Variants in FAM178B observed in about 807,000 individuals in gnomAD.
FAM178B encodes the protein protein FAM178B.
FAM178B carries 82 observed loss-of-function variants against 91.7 expected under a neutral mutation model. The observed-to-expected ratio is 0.89, with a 90% CI of 0.75 to 1.07. FAM178B has a LOEUF of 1.07. FAM178B is among the 50% of genes least tolerant of loss of function. The pLI, the probability that FAM178B is intolerant of heterozygous loss-of-function variation, is 0.00. For synonymous variants in FAM178B, 368 were observed against 359.4 expected, an observed-to-expected ratio of 1.02 and a Z score of -0.27; for missense variants, 769 against 846.7, an observed-to-expected ratio of 0.91 and a Z score of 1.14.
chr2:96,968,532 C>CCCCAGG lies in FAM178B; in HGVS notation c.627-911_627-906dup, dbSNP rs530146152. On this transcript the variant is annotated intron_variant, in intron 4 of 16. Coordinates refer to ENST00000490605, the MANE Select transcript of FAM178B (RefSeq NM_001122646.3). ...TCAGTTCTCTAACATTTTCTCTCCA[C>CCCCAGG]CCCAGGCCTGTCGTGAGCTCAGATC... Among the ~76,000 whole-genome samples the CCCCAGG allele has an allele frequency of 2.8e-3, 431 of 152,268 alleles. 18 individuals are homozygous for CCCCAGG. The East Asian group carries it at 0.05, about 18-fold the overall frequency.
chr2:96,969,750 G>A (rs1267187887), intron 4 of FAM178B, among the ~76,000 whole-genome samples: 1 of 152,250 alleles, frequency 6.6e-6, no homozygotes, highest in East Asian at 1.9e-4. Flanking sequence ...AACAACACAA[G>A]TTCCCGGGTC....
rs1226624374 is a variant in FAM178B, at chr2:96,951,518, TC to T, written c.888-35del. On this transcript the variant is annotated intron_variant, in intron 6 of 16. Transcript: ENST00000490605. Reference sequence around the variant, plus strand: ...CAGAGGGCTGAGGTTAGGGGAGGCCTCTGTGCCAGCACACTTGTCTCGGTGA... The same window carrying T: ...CAGAGGGCTGAGGTTAGGGGAGGCCTTGTGCCAGCACACTTGTCTCGGTGA... 2.7e-6 allele frequency: 4 copies of T among 1,499,654 alleles called. No individual in the cohort carries two copies. In the African/African-American group the frequency reaches 4.2e-5, roughly 16 times the overall value. The allele number at this position is 1,499,654 out of a possible 1,614,324, so 92.9% of individuals were successfully genotyped here.
chr2:96,958,131 C>A (rs944972406), intron 6 of FAM178B, among the ~76,000 whole-genome samples: 1 of 148,864 alleles, frequency 6.7e-6, no homozygotes, highest in Admixed American at 6.7e-5. Flanking sequence ...TGCAGTGGCA[C>A]GATCTCAGCT....
At position 96,947,828 on chromosome 2, in the gene FAM178B, G is replaced by T; in HGVS notation, c.1068C>A (p.Phe356Leu). The T allele has an allele frequency of 1.3e-6, 2 of 1,543,162 alleles. No homozygotes were observed. Among genetic ancestry groups the T allele is most frequent in the Admixed American group, 2.0e-5 (1 of 50,938 alleles). ...LLWDLIVDGIFLQPDEDKHLW... is the reference protein window; with the variant it reads ...LLWDLIVDGILLQPDEDKHLW... ...CATCCCAGTACTGACCAGGCTGAAG[G>T]AAGATTCCATCCACAATGAGATCCC... is the stretch of plus-strand genomic sequence containing the variant. The change falls in exon 8 of 17, where the codon TTC (phenylalanine) becomes TTA (leucine). Residue 356 changes from phenylalanine (F) to leucine (L), a missense_variant. Transcript: ENST00000490605.
At chr2:96,922,600 T>C (rs1240834033) in intron 10 of FAM178B, among the ~76,000 whole-genome samples, 2 of 152,240 alleles carry the variant, frequency 1.3e-5, no homozygotes, top group African/African-American at 4.8e-5. Flanking sequence ...TTCACCCACG[T>C]TGGCCTCCCA....
intron 12 of FAM178B, among the ~76,000 whole-genome samples, chr2:96,907,586 C>T: frequency 6.6e-6 from 1 of 152,258 alleles, no homozygotes; most frequent in Non-Finnish European, 1.5e-5. Context: ...TGTCCCCCTC[C>T]ACCCACCAAG....
chr2:96,887,617 C>T (rs932599856), intron 14 of FAM178B, among the ~76,000 whole-genome samples: 5 of 152,210 alleles, frequency 3.3e-5, no homozygotes, highest in Non-Finnish European at 7.3e-5. Context: ...ATTCAAATGT[C>T]GCAGTGTGAT....
intron 14 of FAM178B, among the ~76,000 whole-genome samples, chr2:96,884,939 T>C (rs1464988914): frequency 6.6e-6 from 1 of 152,158 alleles, no homozygotes; most frequent in African/African-American, 2.4e-5. Context: ...CACTAGGAAA[T>C]GAGGCGGGTG....
intron 12 of FAM178B, among the ~76,000 whole-genome samples, chr2:96,919,893 A>G (rs2081304688): frequency 6.6e-6 from 1 of 152,240 alleles, no homozygotes; most frequent in Non-Finnish European, 1.5e-5. Flanking sequence ...GGAGCCCAGG[A>G]CAACTGAAGG....
Position 96,923,038 on chromosome 2 carries a change from G to A in FAM178B, c.1287+452C>T, listed in dbSNP as rs542666050. 4.6e-5 allele frequency among the ~76,000 whole-genome samples: 7 copies of A among 152,064 alleles called. No homozygotes were observed. In the East Asian group the frequency reaches 7.7e-4, roughly 17 times the overall value. ...GGCTGGAGTGCAGTGGTGCCATCTCGGCTCACTACAACCTCTGCCTCTCAG... is the reference window on the plus strand; with the variant it reads ...GGCTGGAGTGCAGTGGTGCCATCTCAGCTCACTACAACCTCTGCCTCTCAG... On this transcript the variant is annotated intron_variant, in intron 10 of 16. Coordinates refer to ENST00000490605, the MANE Select transcript of FAM178B (RefSeq NM_001122646.3).
chr2:96,922,700 G>A (rs1574252814), intron 10 of FAM178B, among the ~76,000 whole-genome samples: 1 of 151,586 alleles, frequency 6.6e-6, no homozygotes, highest in Admixed American at 6.6e-5. Flanking sequence ...CTATGGATTT[G>A]CTTCCAATTC....
chr2:96,962,264 T>C (rs899923864), intron 5 of FAM178B, among the ~76,000 whole-genome samples: 9 of 151,944 alleles, frequency 5.9e-5, no homozygotes, highest in Non-Finnish European at 1.3e-4. Flanking sequence ...ATTGCACCGC[T>C]GCACTCCTGC....
intron 12 of FAM178B, among the ~76,000 whole-genome samples, chr2:96,905,840 A>ATATATATATATGTGTGTGTGTG (rs1559064133): frequency 7.9e-4 from 22 of 27,674 alleles, no homozygotes; most frequent in Non-Finnish European, 1.2e-3. Flanking sequence ...ATATATATAT[A>ATATATATATATGTGTGTGTGTG]TATATATATA....
intron 8 of FAM178B, among the ~76,000 whole-genome samples, chr2:96,937,055 G>T (rs1245582313): frequency 1.7e-5 from 2 of 114,764 alleles, no homozygotes; most frequent in Middle Eastern, 4.2e-3. Context: ...CCCAGGTTTT[G>T]TTGTTGTTGT....
chr2:96,906,737 C>T (rs918654996), intron 12 of FAM178B, among the ~76,000 whole-genome samples: 21 of 152,248 alleles, frequency 1.4e-4, no homozygotes, highest in African/African-American at 4.8e-4. Context: ...TTCTCCCCCA[C>T]GCACAGGCCT....
chr2:96,962,340 A>C (rs1410422505), intron 5 of FAM178B, among the ~76,000 whole-genome samples: 1 of 151,794 alleles, frequency 6.6e-6, no homozygotes, highest in Admixed American at 6.6e-5. Flanking sequence ...GAGGCAGGAG[A>C]ATTGCTTGAA....
intron 13 of FAM178B, among the ~76,000 whole-genome samples, chr2:96,896,871 C>T (rs1420028937): frequency 6.6e-6 from 1 of 152,138 alleles, no homozygotes; most frequent in African/African-American, 2.4e-5. Context: ...CATCTGTCTG[C>T]CTATCTATCT....
chr2:96,925,075 C>T (rs551285161), intron 9 of FAM178B, among the ~76,000 whole-genome samples: 13 of 152,246 alleles, frequency 8.5e-5, no homozygotes, highest in African/African-American at 3.1e-4. Flanking sequence ...GGCATTTGCA[C>T]ATCTGGGCGC....
At position 96,977,384 on chromosome 2, in the gene FAM178B, C is replaced by CAAAA. The variant is rs754852439; in HGVS notation, c.74-4782_74-4779dup. Among the ~76,000 whole-genome samples, 134 of 24,504 alleles carry CAAAA rather than the reference C, an allele frequency of 5.5e-3. 8 individuals are homozygous for CAAAA. Among genetic ancestry groups the CAAAA allele is most frequent in the Non-Finnish European group, 0.013 (122 of 9,706 alleles). The allele number at this position is 24,504 out of a possible 152,430, so 16.1% of individuals were successfully genotyped here. ...TGGGCGACAGAGCGAGACTCCGTCT[C>CAAAA]AAAAAAAAAAAAAAAAAAAGAAAAA... On this transcript the variant is annotated intron_variant, in intron 1 of 16. Coordinates refer to ENST00000490605, the MANE Select transcript of FAM178B (RefSeq NM_001122646.3).
Sources: gnomAD v4.1 joint callset for allele counts (sites outside exome capture counted in the v4.1 genomes callset) on GRCh38, gnomAD v4.1.1 for gene constraint, MANE v1.5 for transcripts, NCBI Gene and HGNC (gene_info 2026-07-23, HGNC 2026-07-21) for gene names.